Variants in PPP2R5E observed in about 807,000 individuals in gnomAD.
PPP2R5E encodes the protein protein phosphatase 2 regulatory subunit B'epsilon.
A neutral mutation model predicts 65.3 loss-of-function variants in PPP2R5E; 4 were observed. The ratio of observed to expected loss-of-function variants is 0.06; its 90% CI spans 0.03 to 0.14. The LOEUF (loss-of-function observed/expected upper bound fraction) is 0.14, where lower values mean the gene tolerates loss of function less well. Ranked by LOEUF, PPP2R5E falls within the 10% of genes least tolerant of loss-of-function variation. The pLI, the probability that PPP2R5E is intolerant of heterozygous loss-of-function variation, is 1.00. For missense variants in PPP2R5E, 274 were observed against 556.1 expected, an observed-to-expected ratio of 0.49 and a Z score of 5.10; for synonymous variants, 183 against 187.4, an observed-to-expected ratio of 0.98 and a Z score of 0.19.
chr14:63,469,458 C>T (rs1262147814), intron 2 of PPP2R5E, among the ~76,000 whole-genome samples: 3 of 152,010 alleles, frequency 2.0e-5, no homozygotes, highest in Admixed American at 6.6e-5. Flanking sequence ...TTTGGGAGGC[C>T]GAGGCGGGCT....
intron 2 of PPP2R5E, among the ~76,000 whole-genome samples, chr14:63,490,263 C>A (rs1450116504): frequency 6.6e-6 from 1 of 152,030 alleles, no homozygotes; most frequent in Non-Finnish European, 1.5e-5. Flanking sequence ...CACCTTTCAC[C>A]ATATACAAAA....
chr14:63,428,966 A>G (rs977510224), intron 3 of PPP2R5E, among the ~76,000 whole-genome samples: 2 of 152,216 alleles, frequency 1.3e-5, no homozygotes, highest in African/African-American at 4.8e-5. Context: ...CTAGCACCTA[A>G]TAGCTACTCA....
chr14:63,421,921 A>G, intron 4 of PPP2R5E, 72 bp downstream of exon 4: 1 of 1,189,362 alleles, frequency 8.4e-7, no homozygotes, highest in South Asian at 1.3e-5. Context: ...AAAGCCCTTC[A>G]AGGAATTCCC....
chr14:63,393,760 A>G, intron 8 of PPP2R5E, 60 bp downstream of exon 8: 1 of 1,233,914 alleles, frequency 8.1e-7, no homozygotes. Flanking sequence ...CAATATCAAA[A>G]AAACGAGTTT....
chr14:63,392,587 TTAAAA>T (rs1156865181), intron 8 of PPP2R5E, among the ~76,000 whole-genome samples: 1 of 152,222 alleles, frequency 6.6e-6, no homozygotes, highest in Non-Finnish European at 1.5e-5. Context: ...GTAAGATTGT[TTAAAA>T]TAATAATCAT....
At chr14:63,469,856 T>A (rs1890029588) in intron 2 of PPP2R5E, among the ~76,000 whole-genome samples, 1 of 152,226 alleles carries the variant, frequency 6.6e-6, no homozygotes, top group Non-Finnish European at 1.5e-5. Context: ...ATTCCCATTT[T>A]ACCTGTAAGA....
chr14:63,485,124 A>AAC (rs1890912269), intron 2 of PPP2R5E, among the ~76,000 whole-genome samples: 1 of 152,058 alleles, frequency 6.6e-6, no homozygotes, highest in South Asian at 2.1e-4. Flanking sequence ...ATCCAAAAGA[A>AAC]ACATCAATTT....
intron 2 of PPP2R5E, among the ~76,000 whole-genome samples, chr14:63,511,723 C>T (rs1892459812): frequency 1.3e-5 from 2 of 152,062 alleles, no homozygotes; most frequent in Admixed American, 6.6e-5. Context: ...CATAAATCAC[C>T]GTGTAGCTCA....
At chr14:63,454,934 C>T (rs1330491400) in intron 2 of PPP2R5E, among the ~76,000 whole-genome samples, 1 of 152,168 alleles carries the variant, frequency 6.6e-6, no homozygotes, top group Non-Finnish European at 1.5e-5. Flanking sequence ...AAAATAGAGA[C>T]AATCATTGAG....
At chr14:63,404,940 G>C (rs996838465) in intron 5 of PPP2R5E, among the ~76,000 whole-genome samples, 3 of 152,162 alleles carry the variant, frequency 2.0e-5, no homozygotes, top group African/African-American at 7.2e-5. Context: ...GTGGGGCCTA[G>C]TGCAAAATAA....
rs1594802430 is a variant in PPP2R5E at position 63,375,750 on chromosome 14, T to A, written c.*259A>T. The A allele has an allele frequency of 8.2e-6, 1 of 121,658 alleles. No individual in the cohort carries two copies. The highest frequency in any genetic ancestry group is 1.2e-5 in the Non-Finnish European group (1 of 80,730). The allele number at this position is 121,658 out of a possible 1,614,324, so 7.5% of individuals were successfully genotyped here. A position where few individuals can be genotyped will look rare whatever the true frequency, so the allele number is the denominator to read the frequency against. ...TCATCAACAGATCTTTGAAGACCGA[T>A]TTTTTTTTTTAAAAGAGGGTGAGAA... On this transcript the variant is annotated 3_prime_UTR_variant, in exon 14 of 14. Transcript: ENST00000337537.
At chr14:63,492,772 CAT>C (rs1381931290) in intron 2 of PPP2R5E, among the ~76,000 whole-genome samples, 1 of 152,040 alleles carries the variant, frequency 6.6e-6, no homozygotes, top group East Asian at 1.9e-4. Flanking sequence ...AGGATGGTGG[CAT>C]GTGTGTGTTT....
intron 2 of PPP2R5E, among the ~76,000 whole-genome samples, chr14:63,465,933 A>C (rs1889771591): frequency 6.6e-6 from 1 of 152,218 alleles, no homozygotes; most frequent in South Asian, 2.1e-4. Flanking sequence ...CGCCATGCTT[A>C]TAAGGTAAGG....
intron 2 of PPP2R5E, among the ~76,000 whole-genome samples, chr14:63,523,125 G>A (rs1220203713): frequency 6.7e-6 from 1 of 149,918 alleles, no homozygotes; most frequent in Non-Finnish European, 1.5e-5. Context: ...CCCCTTCCGG[G>A]AAGTGGGGGG....
intron 3 of PPP2R5E, among the ~76,000 whole-genome samples, chr14:63,432,078 A>C (rs1887705174): frequency 1.3e-5 from 2 of 152,252 alleles, no homozygotes; most frequent in South Asian, 2.1e-4. Context: ...ATACCCAATT[A>C]GAATTTTTAA....
intron 5 of PPP2R5E, among the ~76,000 whole-genome samples, chr14:63,404,174 A>T (rs1566678173): frequency 1.3e-5 from 2 of 152,332 alleles, no homozygotes; most frequent in East Asian, 3.9e-4. Flanking sequence ...AAAAGTAGGC[A>T]TTATCAAAAC....
At chr14:63,390,395 CAG>C (rs1884953571) in intron 10 of PPP2R5E, among the ~76,000 whole-genome samples, 1 of 151,824 alleles carries the variant, frequency 6.6e-6, no homozygotes, top group Non-Finnish European at 1.5e-5. Flanking sequence ...CCGCAAGAAA[CAG>C]AGTTTTTAGA....
chr14:63,464,191 G>A (rs1889656595), intron 2 of PPP2R5E, among the ~76,000 whole-genome samples: 1 of 152,126 alleles, frequency 6.6e-6, no homozygotes, highest in African/African-American at 2.4e-5. Flanking sequence ...ACATAATGAA[G>A]AGGAGACAAA....
chr14:63,381,917 C>G (rs1287526262), intron 13 of PPP2R5E, 139 bp downstream of exon 13: 10 of 610,354 alleles, frequency 1.6e-5, no homozygotes, highest in Non-Finnish European at 2.9e-5. Flanking sequence ...AGAACATATA[C>G]TGGTTGTTAA....
Sources: allele counts gnomAD v4.1 joint callset (sites outside exome capture counted in the v4.1 genomes callset), GRCh38; gene constraint gnomAD v4.1.1; transcripts MANE v1.5; gene names NCBI Gene and HGNC (gene_info 2026-07-23, HGNC 2026-07-21).